Variants in ANK3 observed in about 807,000 individuals in gnomAD.
ANK3 encodes the protein ankyrin 3.
A neutral mutation model predicts 370.9 loss-of-function variants in ANK3; 57 were observed. The ratio of observed to expected loss-of-function variants is 0.15; its 90% confidence interval spans 0.12 to 0.19. The LOEUF (loss-of-function observed/expected upper bound fraction) is 0.19, where lower values mean the gene tolerates loss of function less well. ANK3 is among the 10% of genes least tolerant of loss of function. The pLI, the probability that ANK3 is intolerant of heterozygous loss-of-function variation, is 1.00. For missense variants in ANK3, 4,439 were observed against 5,302.1 expected, an observed-to-expected ratio of 0.84 and a Z score of 5.06; for synonymous variants, 1,929 against 1,946.3, an observed-to-expected ratio of 0.99 and a Z score of 0.23.
intron 7 of ANK3, among the ~76,000 whole-genome samples, chr10:60,248,512 GAA>G (rs1266974091): frequency 1.3e-5 from 2 of 151,894 alleles, no homozygotes; most frequent in Non-Finnish European, 2.9e-5. Context: ...AAATTAGTTA[GAA>G]AAAGAGTTCT....
intron 7 of ANK3, among the ~76,000 whole-genome samples, chr10:60,244,944 C>T (rs1046390534): frequency 4.6e-5 from 7 of 151,970 alleles, no homozygotes; most frequent in East Asian, 1.9e-4. Context: ...CCGAGGCGGG[C>T]GGATCATGAG....
intron 35 of ANK3, among the ~76,000 whole-genome samples, chr10:60,081,324 A>AT (rs1564867278): frequency 6.6e-6 from 1 of 152,050 alleles, no homozygotes; most frequent in East Asian, 1.9e-4. Context: ...ACCTCAGGTG[A>AT]TTCCCCCACC....
intron 2 of ANK3, among the ~76,000 whole-genome samples, chr10:60,604,404 A>C (rs2078104027): frequency 1.3e-5 from 2 of 152,188 alleles, no homozygotes; most frequent in Admixed American, 1.3e-4. Flanking sequence ...TCTCTGGAAA[A>C]GGCATTTCTA....
rs968850904 is a variant in ANK3 at position 60,262,355 on chromosome 10, T to C, written c.700-398A>G. Among the ~76,000 whole-genome samples the C allele has an allele frequency of 1.2e-4, 18 of 152,218 alleles. 1 individual carries two copies. The highest frequency in any genetic ancestry group is 8.5e-4 in the Admixed American group (13 of 15,280). On this transcript the variant is annotated intron_variant, in intron 6 of 43. Coordinates refer to ENST00000280772, the MANE Select transcript of ANK3 (RefSeq NM_020987.5). ...ATTCAATTAGTTTATATATTTGATATAGATTCATATTACTGAACAGTAAAT... is the reference window on the plus strand; with the variant it reads ...ATTCAATTAGTTTATATATTTGATACAGATTCATATTACTGAACAGTAAAT...
chr10:60,067,356 GTGATA>G (rs1477274382), intron 38 of ANK3, among the ~76,000 whole-genome samples: 7 of 152,092 alleles, frequency 4.6e-5, no homozygotes, highest in African/African-American at 1.7e-4. Context: ...CATTATCGAA[GTGATA>G]TAAGATTTTT....
At chr10:60,436,869 A>C (rs957620555) in intron 2 of ANK3, among the ~76,000 whole-genome samples, 2 of 152,228 alleles carry the variant, frequency 1.3e-5, no homozygotes, top group East Asian at 3.8e-4. Flanking sequence ...AATCTATTTT[A>C]ATCCACAAAT....
intron 1 of ANK3, among the ~76,000 whole-genome samples, chr10:60,333,622 G>C (rs2052010748): frequency 6.6e-6 from 1 of 152,156 alleles, no homozygotes; most frequent in Non-Finnish European, 1.5e-5. Flanking sequence ...GTGTGCATGT[G>C]CCTTTACAGA....
At chr10:60,244,264 C>T (rs1480687162) in intron 7 of ANK3, among the ~76,000 whole-genome samples, 3 of 152,152 alleles carry the variant, frequency 2.0e-5, no homozygotes, top group Non-Finnish European at 2.9e-5. Context: ...ATGTGAATTA[C>T]TGATGTCTCC....
chr10:60,497,588 T>C (rs1430754185), intron 2 of ANK3, among the ~76,000 whole-genome samples: 1 of 152,230 alleles, frequency 6.6e-6, no homozygotes, highest in Non-Finnish European at 1.5e-5. Context: ...TATTACATTT[T>C]GGCACACTTC....
chr10:60,267,259 TGA>T (rs140819840), intron 5 of ANK3, among the ~76,000 whole-genome samples: 3,357 of 152,256 alleles, frequency 0.022, 113 homozygotes, highest in African/African-American at 0.075. Flanking sequence ...TTATTGCTAA[TGA>T]GAGAGCAATA....
At position 60,278,781 on chromosome 10, in the gene ANK3, T is replaced by C; in HGVS notation, c.407A>G (p.Gln136Arg). The C allele has an allele frequency of 1.2e-6, 2 of 1,613,408 alleles. No homozygotes were observed. The highest frequency in any genetic ancestry group is 1.7e-6 in the Non-Finnish European group (2 of 1,179,370). The stretch of plus-strand genomic sequence containing the variant: ...ATGGAGTTGTAGGCTTACCTGAGAT[T>C]GTGCATTGACATTGGCTCCATTTGT... ...LVTNGANVNA[Q>R]SQNGFTPLYM... The change falls in exon 4 of 44, where the codon CAA (glutamine) becomes CGA (arginine). Residue 136 changes from glutamine to arginine, a missense_variant. Gln to Arg is a conservative substitution (Grantham distance 43, BLOSUM62 1). Coordinates refer to ENST00000280772, the MANE Select transcript of ANK3 (RefSeq NM_020987.5).
chr10:60,193,232 T>C (rs562271477), intron 16 of ANK3, among the ~76,000 whole-genome samples: 1 of 152,356 alleles, frequency 6.6e-6, no homozygotes, highest in Non-Finnish European at 1.5e-5. Context: ...AAGAATTATT[T>C]AAAGGATTGC....
intron 2 of ANK3, among the ~76,000 whole-genome samples, chr10:60,520,491 TGAAAA>T (rs2076324057): frequency 6.6e-6 from 1 of 152,112 alleles, no homozygotes; most frequent in Non-Finnish European, 1.5e-5. Context: ...TTCATAGGAA[TGAAAA>T]GAAGTCATGA....
chr10:60,098,359 A>C (rs1362303762), intron 28 of ANK3, among the ~76,000 whole-genome samples: 1 of 152,224 alleles, frequency 6.6e-6, no homozygotes, highest in Non-Finnish European at 1.5e-5. Flanking sequence ...ATTCCATTAA[A>C]GAAAATCACC....
chr10:60,543,210 G>A (rs1374665935), intron 2 of ANK3, among the ~76,000 whole-genome samples: 1 of 151,826 alleles, frequency 6.6e-6, no homozygotes, highest in Non-Finnish European at 1.5e-5. Context: ...ATATGACTGA[G>A]AGGAAATATG....
intron 1 of ANK3, among the ~76,000 whole-genome samples, chr10:60,637,201 G>T (rs1397107821): frequency 6.6e-6 from 1 of 152,120 alleles, no homozygotes; most frequent in Non-Finnish European, 1.5e-5. Context: ...TTCCTAGGCA[G>T]AATTTGATCA....
At chr10:60,619,240 G>A (rs543436788) in intron 1 of ANK3, among the ~76,000 whole-genome samples, 1 of 152,028 alleles carries the variant, frequency 6.6e-6, no homozygotes, top group South Asian at 2.1e-4. Flanking sequence ...GACCTCATCT[G>A]ATAACCAAGT....
At chr10:60,501,471 G>A (rs375254409) in intron 2 of ANK3, among the ~76,000 whole-genome samples, 14 of 152,232 alleles carry the variant, frequency 9.2e-5, no homozygotes, top group South Asian at 4.1e-4. Flanking sequence ...TTAGGAGGCC[G>A]AGGCAGGCAG....
intron 1 of ANK3, among the ~76,000 whole-genome samples, chr10:60,662,482 G>C (rs1467103440): frequency 6.6e-6 from 1 of 152,008 alleles, no homozygotes; most frequent in Admixed American, 6.5e-5. Context: ...ACAATCTTAG[G>C]ATTTGTTAGA....
Sources: allele counts gnomAD v4.1 joint callset (sites outside exome capture counted in the v4.1 genomes callset), GRCh38; gene constraint gnomAD v4.1.1; transcripts MANE v1.5; gene names NCBI Gene and HGNC (gene_info 2026-07-23, HGNC 2026-07-21).